FLT4: variants seen among roughly 807,000 people sequenced by gnomAD.
FLT4 encodes fms related receptor tyrosine kinase 4, also known as vascular endothelial growth factor receptor 3.
FLT4 carries 30 observed loss-of-function variants against 163.2 expected under a neutral mutation model. That is an observed-to-expected ratio of 0.18 (90% confidence interval 0.14 to 0.25). FLT4 has a LOEUF of 0.25. FLT4 is among the 10% of genes least tolerant of loss of function. The probability of loss-of-function intolerance (pLI) is 1.00; values close to 1 mark genes in which losing one functional copy is unlikely to be tolerated. For missense variants in FLT4, 1,510 were observed against 1,863.8 expected, an observed-to-expected ratio of 0.81 and a Z score of 3.50; for synonymous variants, 884 against 789.5, an observed-to-expected ratio of 1.12 and a Z score of -2.01.
intron 25 of FLT4, 28 bp downstream of exon 25, chr5:180,612,983 A>T: frequency 6.4e-7 from 1 of 1,573,702 alleles, no homozygotes; most frequent in Non-Finnish European, 8.7e-7. Flanking sequence ...GCTGTCCCCA[A>T]AACCTGCAGG....
intron 12 of FLT4, among the ~76,000 whole-genome samples, chr5:180,622,160 C>T (rs1339300997): frequency 1.3e-5 from 2 of 152,164 alleles, no homozygotes; most frequent in Non-Finnish European, 2.9e-5. Context: ...AACGTGTTCC[C>T]TGGCTTTTCC....
At chr5:180,618,960 C>T (rs1762894957) in intron 20 of FLT4, 40 bp from the exon 21 acceptor site, 1 of 1,558,320 alleles carries the variant, frequency 6.4e-7, no homozygotes, top group East Asian at 2.4e-5. Context: ...GCCCAGTCGT[C>T]CGCCGCAGAG....
intron 29 of FLT4, 138 bp downstream of exon 29, chr5:180,608,830 C>G: frequency 1.3e-6 from 1 of 772,270 alleles, no homozygotes; most frequent in Non-Finnish European, 2.3e-6. Flanking sequence ...AGGCAGCTCA[C>G]CTTGAACGCG....
rs935945737 is a variant in FLT4, at chr5:180,636,013, A to G, written c.59-4235T>C. Among the ~76,000 whole-genome samples, 1 of 150,522 alleles carries G rather than the reference A, an allele frequency of 6.6e-6. No individual in the cohort carries two copies. The highest frequency in any genetic ancestry group is 2.4e-5 in the African/African-American group (1 of 40,866). On this transcript the variant is annotated intron_variant, in intron 1 of 29. Coordinates refer to ENST00000261937, the MANE Select transcript of FLT4 (RefSeq NM_182925.5). This position sits in a 1 kb window ranked among gnomAD's most constrained non-coding sequence, Gnocchi z 4.3. ...GAAGGATGAATGGATGGATGGGTGG[A>G]AGAGTGGGTGGACAGGTGAAAGGTA...
chr5:180,619,500 GT>G, intron 18 of FLT4, 134 bp from the exon 19 acceptor site: 1 of 941,384 alleles, frequency 1.1e-6, no homozygotes, highest in Non-Finnish European at 1.7e-6. Context: ...GGCAGAGGGG[GT>G]TCGGGTGGTC....
intron 10 of FLT4, among the ~76,000 whole-genome samples, chr5:180,625,455 G>A (rs750608516): frequency 2.6e-5 from 4 of 152,218 alleles, no homozygotes; most frequent in Non-Finnish European, 4.4e-5. Flanking sequence ...ATGGTGTGCC[G>A]TGGGGCTCAG....
At chr5:180,603,997 C>T (rs991542784) in intron 29 of FLT4, among the ~76,000 whole-genome samples, 10 of 151,986 alleles carry the variant, frequency 6.6e-5, no homozygotes, top group Non-Finnish European at 4.4e-5. Context: ...AAAGTGAGAC[C>T]CTGTCTCAAA....
chr5:180,621,762 A>G lies in FLT4; in HGVS notation c.1800T>C (p.Asp600=), dbSNP rs779510103. ...WYRLNLSTLH[D]AHGNPLLLDC... is the part of the protein sequence containing the mutation. ...CGAGCAGAAGCGGGTTCCCGTGCGC[A>G]TCGTGCAGCGTGGACAGGTTGAGGC... Residue 600 remains aspartate, a synonymous_variant, in exon 13 of 30, where the codon GAT becomes GAC. Coordinates refer to ENST00000261937, the MANE Select transcript of FLT4 (RefSeq NM_182925.5). 2 of 1,613,256 alleles carry G rather than the reference A, an allele frequency of 1.2e-6. No individual in the cohort carries two copies. Among genetic ancestry groups the G allele is most frequent in the South Asian group, 2.2e-5 (2 of 91,092 alleles).
chr5:180,640,191 C>G (rs1470224913), intron 1 of FLT4, among the ~76,000 whole-genome samples: 1 of 152,152 alleles, frequency 6.6e-6, no homozygotes, highest in Admixed American at 6.5e-5. Flanking sequence ...GGGTTAGGCA[C>G]TAGCAGCGAG....
chr5:180,630,752 G>A lies in FLT4; in HGVS notation c.203C>T (p.Pro68Leu), dbSNP rs1437584492. The A allele has an allele frequency of 7.5e-6, 12 of 1,609,160 alleles. No individual in the cohort carries two copies. Among genetic ancestry groups the A allele is most frequent in the South Asian group, 1.1e-5 (1 of 91,060 alleles). ...CTCGCTGTCCTTGTCTCCGGTGGCTGGCGCCTCCTGAGCTCCTGGCCAAGC... is the reference window on the plus strand; with the variant it reads ...CTCGCTGTCCTTGTCTCCGGTGGCTAGCGCCTCCTGAGCTCCTGGCCAAGC... The part of the protein sequence containing the change: ...EWAWPGAQEA[P>L]ATGDKDSEDT... Residue 68 changes from proline to leucine, a missense_variant, in exon 3 of 30, where the codon CCA (proline) becomes CTA (leucine). Physicochemically the swap from Pro to Leu is moderately conservative, Grantham distance 98. Coordinates refer to ENST00000261937, the MANE Select transcript of FLT4 (RefSeq NM_182925.5). The surrounding 1 kb of genome is among the most constrained non-coding windows in gnomAD (Gnocchi z 6.3).
intron 28 of FLT4, chr5:180,609,415 G>A: frequency 2.4e-6 from 1 of 421,952 alleles, no homozygotes; most frequent in Non-Finnish European, 4.4e-6. Context: ...ATGTGAGGCT[G>A]CCTCCCGGTT....
At chr5:180,649,434 C>G in intron 1 of FLT4, 54 bp downstream of exon 1, 2 of 1,346,470 alleles carry the variant, frequency 1.5e-6, no homozygotes. Flanking sequence ...GTGCGCGGTA[C>G]CCCCTCCCCG....
chr5:180,649,380 T>G, intron 1 of FLT4, 108 bp downstream of exon 1: 1 of 788,766 alleles, frequency 1.3e-6, no homozygotes. Flanking sequence ...GGCCACCGTG[T>G]CCCCCGCCCG....
chr5:180,619,233 G>A lies in FLT4; in HGVS notation c.2761+20C>T. On this transcript the variant is annotated intron_variant, in intron 19 of 29. Coordinates refer to ENST00000261937, the MANE Select transcript of FLT4 (RefSeq NM_182925.5). ...CCGCGCCCGGGGTCTCGCCGTCCCA[G>A]CGGGCCGCCCGCTCCGTACCCTGCG... The A allele has an allele frequency of 1.3e-6, 2 of 1,566,096 alleles. No individual in the cohort carries two copies. Among genetic ancestry groups the A allele is most frequent in the Non-Finnish European group, 1.7e-6 (2 of 1,155,786 alleles).
intron 1 of FLT4, among the ~76,000 whole-genome samples, chr5:180,639,638 G>A (rs1764952477): frequency 6.6e-6 from 1 of 152,206 alleles, no homozygotes; most frequent in African/African-American, 2.4e-5. Flanking sequence ...AAACCTCAGA[G>A]ACTCTTGTCA....
intron 1 of FLT4, among the ~76,000 whole-genome samples, chr5:180,645,491 C>T (rs1386075914): frequency 1.3e-5 from 2 of 152,208 alleles, no homozygotes; most frequent in South Asian, 2.1e-4. Flanking sequence ...CAGCTCCTGC[C>T]GCAGGAAGAG....
intron 23 of FLT4, among the ~76,000 whole-genome samples, chr5:180,615,438 C>T (rs1255283991): frequency 2.0e-5 from 2 of 98,620 alleles, no homozygotes; most frequent in Admixed American, 1.0e-4. Flanking sequence ...TTTCGGAGCA[C>T]TGGGCCCGCC....
Position 180,619,271 on chromosome 5 carries a change from C to G in FLT4, c.2743G>C (p.Ala915Pro). Reference sequence around the variant, plus strand: ...TCCGTACCCTGCGGCTTGGTGCACGCCCCGAGGAGGTTGACCACGTTGAGG... The same window carrying G: ...TCCGTACCCTGCGGCTTGGTGCACGGCCCGAGGAGGTTGACCACGTTGAGG... ...NHLNVVNLLG[A>P]CTKPQGPLMV... Residue 915 changes from alanine (A) to proline (P), a missense_variant, in exon 19 of 30, where the codon GCG becomes CCG. By Grantham distance (27) the Ala-to-Pro change is conservative. Transcript: ENST00000261937. 1 of 1,609,930 alleles carries G rather than the reference C, an allele frequency of 6.2e-7. No homozygotes were observed. The highest frequency in any genetic ancestry group is 8.5e-7 in the Non-Finnish European group (1 of 1,178,930).
chr5:180,606,877 G>A (rs13177609), intron 29 of FLT4, among the ~76,000 whole-genome samples: 43,511 of 139,012 alleles, frequency 0.31, 6,533 homozygotes, highest in Middle Eastern at 0.4. Context: ...CCAACGTGGC[G>A]AAACCCCGTC....
Sources: gnomAD v4.1 joint callset for allele counts (sites outside exome capture counted in the v4.1 genomes callset) on GRCh38, gnomAD v4.1.1 for gene constraint, Gnocchi (gnomAD v3.1) non-coding constraint, MANE v1.5 for transcripts, NCBI Gene and HGNC (gene_info 2026-07-23, HGNC 2026-07-21) for gene names.